ERBIN: variants seen among roughly 807,000 people sequenced by gnomAD.
ERBIN encodes erbb2 interacting protein.
ERBIN carries 60 observed loss-of-function variants against 158.4 expected under a neutral mutation model. The ratio of observed to expected loss-of-function variants is 0.38; its 90% CI spans 0.31 to 0.47. ERBIN has a LOEUF of 0.47. Among genes scored for constraint, ERBIN ranks in the 20% least tolerant of loss-of-function variants. The probability of loss-of-function intolerance (pLI) is 0.99; values close to 1 mark genes in which losing one functional copy is unlikely to be tolerated. For missense variants in ERBIN, 1,610 were observed against 1,648.0 expected (o/e 0.98, Z 0.40); for synonymous variants, 594 against 557.2 (o/e 1.07, Z -0.93).
At chr5:66,047,828 C>A (rs1177677861) in intron 18 of ERBIN, among the ~76,000 whole-genome samples, 2 of 151,904 alleles carry the variant, frequency 1.3e-5, no homozygotes, top group African/African-American at 2.4e-5. Flanking sequence ...TTACAGTGAA[C>A]TTATGACTCA....
chr5:65,969,319 A>C (rs1274311239), intron 1 of ERBIN, among the ~76,000 whole-genome samples: 1 of 152,236 alleles, frequency 6.6e-6, no homozygotes, highest in Non-Finnish European at 1.5e-5. Context: ...TTATTTATTC[A>C]GCTTATGTAT....
intron 20 of ERBIN, among the ~76,000 whole-genome samples, chr5:66,051,913 C>T (rs1251045717): frequency 2.8e-5 from 4 of 142,620 alleles, no homozygotes; most frequent in Non-Finnish European, 4.5e-5. Context: ...AAAAAAGAGA[C>T]AGATTGGGGT....
chr5:65,945,510 A>G (rs1056680405), intron 1 of ERBIN, among the ~76,000 whole-genome samples: 1 of 152,072 alleles, frequency 6.6e-6, no homozygotes, highest in East Asian at 1.9e-4. Context: ...GGTGCTGGTA[A>G]TTTGTTTTGG....
intron 14 of ERBIN, among the ~76,000 whole-genome samples, chr5:66,035,251 A>T (rs1757280736): frequency 1.3e-5 from 2 of 152,126 alleles, no homozygotes; most frequent in Admixed American, 1.3e-4. Context: ...AGAGCTTCAC[A>T]TTCATATAGC....
chr5:65,974,962 A>G (rs998893495), intron 1 of ERBIN, among the ~76,000 whole-genome samples: 1 of 152,200 alleles, frequency 6.6e-6, no homozygotes. Flanking sequence ...CGAAGCTACT[A>G]AGAAAGCAAG....
chr5:66,028,455 A>T, intron 14 of ERBIN, 112 bp downstream of exon 14: 7 of 596,630 alleles, frequency 1.2e-5, no homozygotes, highest in Non-Finnish European at 1.9e-5. Flanking sequence ...TACACATGTA[A>T]ACATATCTTT....
intron 13 of ERBIN, 43 bp downstream of exon 13, chr5:66,026,460 G>A: frequency 9.0e-7 from 1 of 1,107,166 alleles, no homozygotes; most frequent in South Asian, 1.5e-5. Context: ...AGGAGACATT[G>A]GTTAGATGAA....
chr5:66,072,091 T>A (rs1580544591), intron 21 of ERBIN, 78 bp from the exon 22 acceptor site: 1 of 1,448,410 alleles, frequency 6.9e-7, no homozygotes, highest in East Asian at 2.6e-5. Flanking sequence ...TTTTTCCTAA[T>A]CTTCTCTCAA....
intron 1 of ERBIN, among the ~76,000 whole-genome samples, chr5:65,976,559 C>CA (rs1330975425): frequency 6.9e-6 from 1 of 144,432 alleles, no homozygotes; most frequent in Admixed American, 6.9e-5. Flanking sequence ...GGGTGTTTCT[C>CA]GCAGAGGGGG....
intron 21 of ERBIN, among the ~76,000 whole-genome samples, chr5:66,066,727 G>T (rs900777674): frequency 6.6e-6 from 1 of 152,098 alleles, no homozygotes. Flanking sequence ...ACCATAATAT[G>T]ATTAACACAA....
chr5:65,952,221 G>A (rs56678735), intron 1 of ERBIN, among the ~76,000 whole-genome samples: 2 of 151,778 alleles, frequency 1.3e-5, no homozygotes, highest in East Asian at 1.9e-4. Flanking sequence ...TTTCAGACCC[G>A]TTCACTGGTG....
At chr5:65,982,103 A>G (rs1252629950) in intron 1 of ERBIN, among the ~76,000 whole-genome samples, 1 of 152,228 alleles carries the variant, frequency 6.6e-6, no homozygotes, top group Non-Finnish European at 1.5e-5. Flanking sequence ...AGAGACAAAG[A>G]GAGATTATTA....
chr5:65,998,223 C>A (rs933116337), intron 4 of ERBIN, among the ~76,000 whole-genome samples: 1 of 145,904 alleles, frequency 6.9e-6, no homozygotes, highest in Admixed American at 6.9e-5. Context: ...GCAAGACTCT[C>A]AAAAAAAAAT....
intron 1 of ERBIN, among the ~76,000 whole-genome samples, chr5:65,976,698 ATTAGGGAGTGGTGATGACTC>A (rs983029950): frequency 2.0e-5 from 3 of 151,314 alleles, no homozygotes; most frequent in Admixed American, 6.6e-5. Flanking sequence ...GGTACTTGAG[ATTAGGGAGTGGTGATGACTC>A]TTACGGAGCA....
intron 1 of ERBIN, among the ~76,000 whole-genome samples, chr5:65,983,484 A>T (rs1750868598): frequency 1.3e-5 from 2 of 151,940 alleles, no homozygotes; most frequent in South Asian, 4.2e-4. Context: ...TTTACTATTT[A>T]TGTACTTATC....
chr5:65,988,724 C>T (rs1751533136), intron 2 of ERBIN, 42 bp downstream of exon 2: 1 of 152,056 alleles, frequency 6.6e-6, no homozygotes, highest in Non-Finnish European at 1.5e-5. Context: ...TTTTCAGCAG[C>T]CAGTTGCAGT....
chr5:66,008,402 G>C (rs1753848826), intron 4 of ERBIN, among the ~76,000 whole-genome samples: 1 of 152,190 alleles, frequency 6.6e-6, no homozygotes, highest in Non-Finnish European at 1.5e-5. Flanking sequence ...CTGGGCAACA[G>C]TGTGAGACTC....
At chr5:66,004,565 A>AT (rs974888547) in intron 4 of ERBIN, among the ~76,000 whole-genome samples, 14 of 151,520 alleles carry the variant, frequency 9.2e-5, no homozygotes, top group South Asian at 2.1e-4. Context: ...TATCTGGCTA[A>AT]TTTTTTTTGG....
At chr5:66,041,104 A>G (rs978204865) in intron 15 of ERBIN, among the ~76,000 whole-genome samples, 2 of 151,968 alleles carry the variant, frequency 1.3e-5, no homozygotes, top group African/African-American at 4.8e-5. Flanking sequence ...AGGGCATTTC[A>G]GGAAGTGGTA....
Sources: gnomAD v4.1 joint callset for allele counts (sites outside exome capture counted in the v4.1 genomes callset) on GRCh38, gnomAD v4.1.1 for gene constraint, MANE v1.5 for transcripts, NCBI Gene and HGNC (gene_info 2026-07-23, HGNC 2026-07-21) for gene names.